AGAP1: variants seen among roughly 807,000 people sequenced by gnomAD.
AGAP1 encodes the protein ArfGAP with GTPase domain, ankyrin repeat and PH domain 1.
A neutral mutation model predicts 105.3 loss-of-function variants in AGAP1; 29 were observed. The observed-to-expected ratio is 0.28, with a 90% CI of 0.21 to 0.38. The LOEUF (loss-of-function observed/expected upper bound fraction) is 0.38. Ranked by LOEUF, AGAP1 falls within the 10% of genes least tolerant of loss-of-function variation. The probability of loss-of-function intolerance (pLI) is 1.00; values close to 1 mark genes in which losing one functional copy is unlikely to be tolerated. For synonymous variants in AGAP1, 509 were observed against 485.9 expected, an observed-to-expected ratio of 1.05 and a Z score of -0.63; for missense variants, 998 against 1,165.1, an observed-to-expected ratio of 0.86 and a Z score of 2.09.
At chr2:235,567,085 C>T (rs1383505252) in intron 1 of AGAP1, among the ~76,000 whole-genome samples, 1 of 152,190 alleles carries the variant, frequency 6.6e-6, no homozygotes, top group Non-Finnish European at 1.5e-5. Flanking sequence ...CAAGCTTGAG[C>T]CTGGTTGCGG....
intron 12 of AGAP1, among the ~76,000 whole-genome samples, chr2:235,935,219 G>C (rs977353692): frequency 6.6e-6 from 1 of 152,186 alleles, no homozygotes; most frequent in Non-Finnish European, 1.5e-5. Flanking sequence ...TCTGCCCTTA[G>C]AGAAAATGCA....
In AGAP1 at chr2:236,120,549, G is replaced by A. The variant is rs968675818; in HGVS notation, c.2370+102G>A. 7.1e-6 allele frequency: 11 copies of A among 1,546,222 alleles called. No individual in the cohort carries two copies. Among genetic ancestry groups the A allele is most frequent in the South Asian group, 2.5e-5 (2 of 80,436 alleles). ...TTTCTGGCAGAAGGCTGTTGTTCTC[G>A]ATCTGCAAGTGGAAACAGTTCCTAA... On this transcript the variant is annotated intron_variant, in intron 17 of 17. Transcript: ENST00000304032. The surrounding 1 kb of genome is among the most constrained non-coding windows in gnomAD (Gnocchi z 6.0).
chr2:235,971,733 A>ATGTTT lies in AGAP1; in HGVS notation c.1645+3112_1645+3116dup, dbSNP rs141038071. Among the ~76,000 whole-genome samples, 4,752 of 148,574 alleles carry ATGTTT rather than the reference A, an allele frequency of 0.032. 260 individuals are homozygous for ATGTTT. Among genetic ancestry groups the ATGTTT allele is most frequent in the African/African-American group, 0.11 (4,492 of 39,634 alleles). On this transcript the variant is annotated intron_variant, in intron 13 of 17. Transcript: ENST00000304032. The surrounding 1 kb of genome is among the most constrained non-coding windows in gnomAD (Gnocchi z 4.8). ...TTCTTGAAACTAAAGCTAGTTATAT[A>ATGTTT]TGTTTTATTTTATTTATTTATTTAT...
rs1477573561 is a variant in AGAP1 at position 235,691,260 on chromosome 2, GC to G, written c.164-17915del. 6.6e-6 allele frequency among the ~76,000 whole-genome samples: 1 copy of G among 152,134 alleles called. No individual in the cohort carries two copies. Among genetic ancestry groups the G allele is most frequent in the Admixed American group, 6.5e-5 (1 of 15,280 alleles). On this transcript the variant is annotated intron_variant, in intron 1 of 17. Coordinates refer to ENST00000304032, the MANE Select transcript of AGAP1 (RefSeq NM_001037131.3). The surrounding 1 kb of genome is among the most constrained non-coding windows in gnomAD (Gnocchi z 4.4). Reference sequence around the variant, plus strand: ...ACATGCGCATAGGGCTCTGTGCCTGGCCCCAGGACTGTCATATCCAGGGAAA... The same window carrying G: ...ACATGCGCATAGGGCTCTGTGCCTGGCCCAGGACTGTCATATCCAGGGAAA...
intron 1 of AGAP1, among the ~76,000 whole-genome samples, chr2:235,698,436 G>GA (rs1291931702): frequency 3.3e-5 from 5 of 150,708 alleles, no homozygotes; most frequent in South Asian, 2.1e-4. Context: ...TACATCTCAT[G>GA]AAAAAAAAAT....
At chr2:235,594,562 A>C (rs375510944) in intron 1 of AGAP1, among the ~76,000 whole-genome samples, 22 of 152,086 alleles carry the variant, frequency 1.4e-4, no homozygotes, top group African/African-American at 5.1e-4. Flanking sequence ...TGACAATATG[A>C]TGCGGAGTTT....
At chr2:235,502,229 G>A (rs1393957447) in intron 1 of AGAP1, among the ~76,000 whole-genome samples, 1 of 152,084 alleles carries the variant, frequency 6.6e-6, no homozygotes, top group Non-Finnish European at 1.5e-5. Context: ...AGTGGGTATC[G>A]TGCTTGTGTC....
At position 235,734,875 on chromosome 2, in the gene AGAP1, G is replaced by T. The variant is rs1417242778; in HGVS notation, c.311-6088G>T. 6.6e-6 allele frequency among the ~76,000 whole-genome samples: 1 copy of T among 152,264 alleles called. No homozygotes were observed. Among genetic ancestry groups the T allele is most frequent in the Non-Finnish European group, 1.5e-5 (1 of 68,046 alleles). ...TGGATTGGAGTCTTGGTCCTGCCGC[G>T]TGCTGGCCGTGGAGCTCTTGCTCTG... On this transcript the variant is annotated intron_variant, in intron 3 of 17. Coordinates refer to ENST00000304032, the MANE Select transcript of AGAP1 (RefSeq NM_001037131.3). The surrounding 1 kb of genome is among the most constrained non-coding windows in gnomAD (Gnocchi z 5.3).
At chr2:235,760,000 C>G (rs1046304358) in intron 6 of AGAP1, among the ~76,000 whole-genome samples, 1 of 152,066 alleles carries the variant, frequency 6.6e-6, no homozygotes, top group African/African-American at 2.4e-5. Flanking sequence ...CCTCATGAAG[C>G]TATAAAAGCA....
rs145275493 is a variant in AGAP1, at chr2:236,103,949, C to T, written c.2115-16243C>T. 7.2e-3 allele frequency among the ~76,000 whole-genome samples: 1,094 copies of T among 152,380 alleles called. 12 individuals carry two copies. Among genetic ancestry groups the T allele is most frequent in the African/African-American group, 0.025 (1,028 of 41,590 alleles). On this transcript the variant is annotated intron_variant, in intron 16 of 17. Coordinates refer to ENST00000304032, the MANE Select transcript of AGAP1 (RefSeq NM_001037131.3). Reference sequence around the variant, plus strand: ...CCTGTGCGTTTACCAAGGGCTGACCCAGGCATTGAGCCACATGCACAACCG... The same window carrying T: ...CCTGTGCGTTTACCAAGGGCTGACCTAGGCATTGAGCCACATGCACAACCG...
rs149214232 is a variant in AGAP1 at position 235,812,371 on chromosome 2, G to A, written c.1050+5040G>A. Among the ~76,000 whole-genome samples the A allele has an allele frequency of 2.4e-4, 37 of 152,320 alleles. No homozygotes were observed. The East Asian group carries it at 4.7e-3, about 19-fold the overall frequency. On this transcript the variant is annotated intron_variant, in intron 9 of 17. Transcript: ENST00000304032. ...CCTGTGAACTGTTTTGAAGCTGTGC[G>A]TGTTTTGATTCTCAGTTGAGTAGAA...
chr2:235,989,215 A>G lies in AGAP1; in HGVS notation c.1645+20592A>G, dbSNP rs534260857. Among the ~76,000 whole-genome samples, 14 of 152,136 alleles carry G rather than the reference A, an allele frequency of 9.2e-5. No individual in the cohort carries two copies. The highest frequency in any genetic ancestry group is 2.7e-4 in the African/African-American group (11 of 41,482). ...TCTTCCTTCTTCCCTGGAATTAGAT[A>G]TTTTTCGTTCAAGCTGCTGACAGGT... On this transcript the variant is annotated intron_variant, in intron 13 of 17. Transcript: ENST00000304032. This position sits in a 1 kb window ranked among gnomAD's most constrained non-coding sequence, Gnocchi z 4.4.
intron 1 of AGAP1, among the ~76,000 whole-genome samples, chr2:235,571,682 C>T (rs1220173795): frequency 6.6e-6 from 1 of 152,056 alleles, no homozygotes; most frequent in Non-Finnish European, 1.5e-5. Context: ...GGCAACTCAC[C>T]TGGGATATGG....
chr2:235,942,351 T>C (rs2053299264), intron 12 of AGAP1, among the ~76,000 whole-genome samples: 1 of 152,160 alleles, frequency 6.6e-6, no homozygotes, highest in African/African-American at 2.4e-5. Context: ...TCAGGTCACT[T>C]CTCATGGGCC....
chr2:235,774,045 T>A, intron 6 of AGAP1: 1 of 444,070 alleles, frequency 2.3e-6, no homozygotes, highest in East Asian at 7.0e-5. Context: ...CTATTATGAC[T>A]ACGATGAACA....
chr2:235,862,832 C>T (rs1432682124), intron 9 of AGAP1, among the ~76,000 whole-genome samples: 4 of 152,156 alleles, frequency 2.6e-5, no homozygotes, highest in African/African-American at 4.8e-5. Context: ...TCTTCACATC[C>T]AGGGTGGTGC....
At chr2:236,015,822 T>C (rs1214338955) in intron 13 of AGAP1, among the ~76,000 whole-genome samples, 1 of 152,248 alleles carries the variant, frequency 6.6e-6, no homozygotes, top group Non-Finnish European at 1.5e-5. Flanking sequence ...AATATTTTTC[T>C]TAATGTCACT....
chr2:236,114,386 C>T lies in AGAP1; in HGVS notation c.2115-5806C>T, dbSNP rs967942693. Among the ~76,000 whole-genome samples the T allele has an allele frequency of 6.6e-6, 1 of 152,160 alleles. No individual in the cohort carries two copies. The highest frequency in any genetic ancestry group is 2.4e-5 in the African/African-American group (1 of 41,434). ...GAGAAGAAGCCATTGTCAGCGTGTCCCTTGGTCATATGTGACTTGCGTATG... is the reference window on the plus strand; with the variant it reads ...GAGAAGAAGCCATTGTCAGCGTGTCTCTTGGTCATATGTGACTTGCGTATG... On this transcript the variant is annotated intron_variant, in intron 16 of 17. Transcript: ENST00000304032. The surrounding 1 kb of genome is among the most constrained non-coding windows in gnomAD (Gnocchi z 5.0).
In AGAP1 at chr2:235,691,500, T is replaced by C. The variant is rs554359505; in HGVS notation, c.164-17679T>C. On this transcript the variant is annotated intron_variant, in intron 1 of 17. Coordinates refer to ENST00000304032, the MANE Select transcript of AGAP1 (RefSeq NM_001037131.3). The surrounding 1 kb of genome is among the most constrained non-coding windows in gnomAD (Gnocchi z 4.4). ...GATGTGCCAACATTTAGTCGGATTC[T>C]GTGACTGGTCGTGAGTCCCTCTTCC... is the stretch of plus-strand genomic sequence containing the variant. 4.6e-5 allele frequency among the ~76,000 whole-genome samples: 7 copies of C among 152,378 alleles called. No individual in the cohort carries two copies. In the South Asian group the frequency reaches 1.2e-3, roughly 27 times the overall value.
Sources: allele counts gnomAD v4.1 joint callset (sites outside exome capture counted in the v4.1 genomes callset), GRCh38; gene constraint gnomAD v4.1.1; non-coding constraint Gnocchi (gnomAD v3.1); transcripts MANE v1.5; gene names NCBI Gene and HGNC (gene_info 2026-07-23, HGNC 2026-07-21).